ARHGAP29: variants seen among roughly 807,000 people sequenced by gnomAD.
ARHGAP29 encodes rho GTPase-activating protein 29.
In ARHGAP29, 43 loss-of-function variants were observed where a neutral mutation model predicts 122.6. That is an observed-to-expected ratio of 0.35 (90% confidence interval 0.27 to 0.45). ARHGAP29 has a LOEUF of 0.45. ARHGAP29 is among the 20% of genes least tolerant of loss of function. The pLI is 1.00. For synonymous variants in ARHGAP29, 506 were observed against 497.1 expected (o/e 1.02, Z -0.24); for missense variants, 1,303 against 1,477.2 (o/e 0.88, Z 1.93).
At position 94,202,529 on chromosome 1, in the gene ARHGAP29, G is replaced by GA; in HGVS notation, c.1143+14dup. ...GCTAATTCAACTTGCAAATAAAAAAGAAAAAGATCGTTACTTTTTGGAGAG... is the reference window on the plus strand; with the variant it reads ...GCTAATTCAACTTGCAAATAAAAAAGAAAAAAGATCGTTACTTTTTGGAGAG... On this transcript the variant is annotated intron_variant, in intron 11 of 22. Coordinates refer to ENST00000260526, the MANE Select transcript of ARHGAP29 (RefSeq NM_004815.4). The GA allele has an allele frequency of 5.6e-6, 9 of 1,612,208 alleles. No individual in the cohort carries two copies. The highest frequency in any genetic ancestry group is 7.6e-6 in the Non-Finnish European group (9 of 1,179,642).
Position 94,184,746 on chromosome 1 carries a change from C to T in ARHGAP29, c.2109+126G>A, listed in dbSNP as rs953749972. 35 of 763,960 alleles carry T rather than the reference C, an allele frequency of 4.6e-5. No individual in the cohort carries two copies. In the South Asian group the frequency reaches 5.0e-4, roughly 11 times the overall value. The allele number at this position is 763,960 out of a possible 1,614,324, so 47.3% of individuals were successfully genotyped here. On this transcript the variant is annotated intron_variant, in intron 18 of 22. Transcript: ENST00000260526. The stretch of plus-strand genomic sequence containing the variant: ...TCCAGCCTGGGCAACAGAGTGAGAC[C>T]GTGTCTCAGAAACAGAACAAAACAA...
At chr1:94,261,399 T>C (rs762927166) in intron 1 of ARHGAP29, among the ~76,000 whole-genome samples, 1 of 152,200 alleles carries the variant, frequency 6.6e-6, no homozygotes, top group Admixed American at 6.5e-5. Flanking sequence ...TACTGTGTTA[T>C]GCGTGCAGGT....
chr1:94,204,873 TAGTTGGTCCAC>T (rs1651094314), intron 7 of ARHGAP29, among the ~76,000 whole-genome samples, 177 bp downstream of exon 7: 1 of 152,200 alleles, frequency 6.6e-6, no homozygotes. Flanking sequence ...CTAGGTCTAG[TAGTTGGTCCAC>T]AGTAAATACT....
the ARHGAP29 span, among the ~76,000 whole-genome samples, chr1:94,312,067 A>G: frequency 6.6e-6 from 1 of 152,114 alleles, no homozygotes. Flanking sequence ...TCTCCTACAT[A>G]TCCTCTTCCA....
chr1:94,205,785 A>G (rs1651152450), intron 5 of ARHGAP29, 102 bp from the exon 6 acceptor site: 8 of 979,088 alleles, frequency 8.2e-6, no homozygotes, highest in East Asian at 7.3e-5. Flanking sequence ...AATTCCTGCT[A>G]AAGAATTTCA....
chr1:94,189,080 C>A (rs931905469), intron 14 of ARHGAP29, 136 bp downstream of exon 14: 1 of 1,352,966 alleles, frequency 7.4e-7, no homozygotes, highest in African/African-American at 1.5e-5. Flanking sequence ...ACCATGGTAA[C>A]AACTGTGAAT....
At position 94,261,045 on chromosome 1, in the gene ARHGAP29, CATT is replaced by C. The variant is rs552594559; in HGVS notation, c.-33+13964_-33+13966del. Among the ~76,000 whole-genome samples, 3 of 152,246 alleles carry C rather than the reference CATT, an allele frequency of 2.0e-5. No individual in the cohort carries two copies. In the South Asian group the frequency reaches 6.2e-4, roughly 32 times the overall value. ...GGTAAATGTGTCTCTGTTCTTGAAACATTAAAAAACCAGGCCATGAAACCACCA... is the reference window on the plus strand; with the variant it reads ...GGTAAATGTGTCTCTGTTCTTGAAACAAAAAACCAGGCCATGAAACCACCA... On this transcript the variant is annotated intron_variant and NMD_transcript_variant, in intron 1 of 25. Transcript: ENST00000552844.
chr1:94,260,942 A>C (rs903031246), intron 1 of ARHGAP29, among the ~76,000 whole-genome samples: 1 of 152,122 alleles, frequency 6.6e-6, no homozygotes, highest in African/African-American at 2.4e-5. Context: ...GCAGCTGTTG[A>C]GTGTTTCCTG....
the ARHGAP29 span, among the ~76,000 whole-genome samples, chr1:94,288,419 T>C: frequency 2.6e-5 from 4 of 152,346 alleles, no homozygotes; most frequent in East Asian, 5.8e-4. Context: ...ATGGGTAGAT[T>C]GCAAAAATTT....
intron 12 of ARHGAP29, among the ~76,000 whole-genome samples, chr1:94,200,427 C>G (rs1021347565): frequency 6.6e-6 from 1 of 152,170 alleles, no homozygotes; most frequent in Non-Finnish European, 1.5e-5. Context: ...ACAACCAAAA[C>G]TCTCATACAC....
chr1:94,260,176 G>A (rs2100712775), intron 1 of ARHGAP29, among the ~76,000 whole-genome samples: 1 of 152,312 alleles, frequency 6.6e-6, no homozygotes. Flanking sequence ...ACATTCGAGT[G>A]TGCATTATAT....
At chr1:94,292,720 G>C in the ARHGAP29 span, among the ~76,000 whole-genome samples, 3 of 152,208 alleles carry the variant, frequency 2.0e-5, no homozygotes, top group East Asian at 5.8e-4. Context: ...CCCCTCAGCT[G>C]CAGGTCTCTT....
chr1:94,304,246 C>T, the ARHGAP29 span, among the ~76,000 whole-genome samples: 1 of 152,210 alleles, frequency 6.6e-6, no homozygotes, highest in African/African-American at 2.4e-5. Context: ...CTAAAGCTAT[C>T]CTCTGGCCTC....
chr1:94,182,256 T>C (rs1262088632), intron 19 of ARHGAP29, among the ~76,000 whole-genome samples: 2 of 151,652 alleles, frequency 1.3e-5, no homozygotes, highest in Admixed American at 1.3e-4. Context: ...GGAAATCTCT[T>C]AGAAAGTGTT....
At chr1:94,193,942 T>G (rs189291488) in intron 12 of ARHGAP29, 1 of 152,240 alleles carries the variant, frequency 6.6e-6, no homozygotes, top group Admixed American at 6.5e-5. Flanking sequence ...ATTATGAGAG[T>G]CTGGTGAGGT....
At position 94,188,878 on chromosome 1, in the gene ARHGAP29, C is replaced by G. The variant is rs1649966296; in HGVS notation, c.1640G>C (p.Ser547Thr). 2 of 1,613,046 alleles carry G rather than the reference C, an allele frequency of 1.2e-6. No homozygotes were observed. Residue 547 changes from serine (S) to threonine (T), a missense_variant, in exon 15 of 23, where the codon AGC becomes ACC. By Grantham distance (58) the Ser-to-Thr change is moderately conservative (BLOSUM62 1). Transcript: ENST00000260526. ...MFSDSESTGG[S>T]SESRSLDSES... The stretch of plus-strand genomic sequence containing the variant: ...TGAATCCAGAGATCTAGATTCGCTG[C>G]TCCCTCCAGTGCTCTCAGAATCACT...
At chr1:94,237,726 G>T (rs1345279050), upstream of ARHGAP29, 1 of 985,142 alleles carries the variant, frequency 1.0e-6, no homozygotes, top group East Asian at 1.1e-4. Flanking sequence ...ACTAGCTCGC[G>T]CGCAGAACGC....
chr1:94,213,979 TA>T (rs1651808777), intron 3 of ARHGAP29, among the ~76,000 whole-genome samples: 1 of 152,228 alleles, frequency 6.6e-6, no homozygotes, highest in Admixed American at 6.5e-5. Context: ...TCAACAACAC[TA>T]CCACTTAATA....
rs1371019328 is a variant in ARHGAP29 at position 94,184,339 on chromosome 1, G to C, written c.2110-51C>G. ...GCAAAATTCTTCTTTAGTACAAATG[G>C]CTAAATGCAGATATCTACATATACT... On this transcript the variant is annotated intron_variant, in intron 18 of 22. Coordinates refer to ENST00000260526, the MANE Select transcript of ARHGAP29 (RefSeq NM_004815.4). The C allele has an allele frequency of 3.0e-6, 4 of 1,337,462 alleles. No homozygotes were observed. In the African/African-American group the frequency reaches 5.9e-5, roughly 20 times the overall value. 82.8% of individuals were successfully genotyped at this position (1,337,462 alleles called of 1,614,324 possible).
Sources: gnomAD v4.1 joint callset for allele counts (sites outside exome capture counted in the v4.1 genomes callset) on GRCh38, gnomAD v4.1.1 for gene constraint, MANE v1.5 for transcripts, NCBI Gene and HGNC (gene_info 2026-07-23, HGNC 2026-07-21) for gene names.